The following LHX5 variants were observed in gnomAD, a reference collection of about 807,000 sequenced individuals.
LHX5 encodes the protein LIM/homeobox protein Lhx5.
Under a neutral mutation model 30.6 loss-of-function variants are expected in LHX5, and 5 were observed. The observed-to-expected ratio is 0.16, with a 90% CI of 0.09 to 0.34. The LOEUF is 0.34. Among genes scored for constraint, LHX5 ranks in the 10% least tolerant of loss-of-function variants. The probability of loss-of-function intolerance (pLI) is 1.00; values close to 1 mark genes in which losing one functional copy is unlikely to be tolerated. For synonymous variants in LHX5, 266 were observed against 252.6 expected (o/e 1.05, Z -0.50); for missense variants, 458 against 570.6 (o/e 0.80, Z 2.01).
chr12:113,462,896 C>G lies in LHX5; in HGVS notation c.*294G>C, dbSNP rs1277909852. On this transcript the variant is annotated 3_prime_UTR_variant, in exon 5 of 5. Transcript: ENST00000261731. ...GCCCGGGGAAAGTCTAGAGCGTGCT[C>G]GAAATCTCTTGACCCTCCGGAGTAT... 1 of 296,896 alleles carries G rather than the reference C, an allele frequency of 3.4e-6. No individual in the cohort carries two copies. The highest frequency in any genetic ancestry group is 6.3e-6 in the Non-Finnish European group (1 of 159,574). 18.4% of individuals were successfully genotyped at this position (296,896 alleles called of 1,614,324 possible).
Position 113,467,536 on chromosome 12 carries a change from A to C in LHX5, c.676-115T>G. ...GTCCTTGCGCCTCTTCCGCACCAGG[A>C]CTCCCCCGAGGCGGGGCCGGGCCGG... is the stretch of plus-strand genomic sequence containing the variant. On this transcript the variant is annotated intron_variant, in intron 3 of 4. Transcript: ENST00000261731. The surrounding 1 kb of genome is among the most constrained non-coding windows in gnomAD (Gnocchi z 6.3). 9.9e-7 allele frequency: 1 copy of C among 1,012,032 alleles called. No individual in the cohort carries two copies. The allele number at this position is 1,012,032 out of a possible 1,614,324, so 62.7% of individuals were successfully genotyped here. A position where few individuals can be genotyped will look rare whatever the true frequency, so the allele number is the denominator to read the frequency against.
rs1958221009 is a variant in LHX5 at position 113,467,314 on chromosome 12, C to G, written c.783G>C (p.Leu261=). 6.4e-7 allele frequency: 1 copy of G among 1,569,082 alleles called. No individual in the cohort carries two copies. The highest frequency in any genetic ancestry group is 8.7e-7 in the Non-Finnish European group (1 of 1,153,866). ...TCTCAGACTCGTCCAAGCGGCCGCC[C>G]AGCGGACGCATGCGCCGCGGACTCC... ...FFRSPRRMRP[L]GGRLDESEML... Residue 261 remains leucine (L), a synonymous_variant, in exon 4 of 5, where the codon CTG becomes CTC. Transcript: ENST00000261731. The surrounding 1 kb of genome is among the most constrained non-coding windows in gnomAD (Gnocchi z 6.3).
chr12:113,471,677 C>G lies in LHX5; in HGVS notation c.-179G>C. The stretch of plus-strand genomic sequence containing the variant: ...CAATCTCTGGCCTGGCGCTGGGCTG[C>G]CCGGAGTGGGGTGGTGGGGGGCGGG... On this transcript the variant is annotated 5_prime_UTR_variant, in exon 1 of 5. Coordinates refer to ENST00000261731, the MANE Select transcript of LHX5 (RefSeq NM_022363.3). 1.7e-6 allele frequency: 1 copy of G among 605,916 alleles called. No individual in the cohort carries two copies. The highest frequency in any genetic ancestry group is 3.1e-5 in the East Asian group (1 of 32,128). The allele number at this position is 605,916 out of a possible 1,614,324, so 37.5% of individuals were successfully genotyped here.
chr12:113,464,393 C>T lies in LHX5; in HGVS notation c.842-836G>A, dbSNP rs147867190. Reference sequence around the variant, plus strand: ...GCCGGGGGAAACTGGATCCGGGCCGCGGCAGGAGCGACTGGTGGGTTGGGC... The same window carrying T: ...GCCGGGGGAAACTGGATCCGGGCCGTGGCAGGAGCGACTGGTGGGTTGGGC... On this transcript the variant is annotated intron_variant, in intron 4 of 4. Coordinates refer to ENST00000261731, the MANE Select transcript of LHX5 (RefSeq NM_022363.3). The surrounding 1 kb of genome is among the most constrained non-coding windows in gnomAD (Gnocchi z 6.2). 2.9e-4 allele frequency among the ~76,000 whole-genome samples: 42 copies of T among 146,400 alleles called. No individual in the cohort carries two copies. The East Asian group carries it at 8.6e-3, about 30-fold the overall frequency.
Position 113,471,748 on chromosome 12 carries a change from T to A in LHX5, c.-250A>T, listed in dbSNP as rs927244110. On this transcript the variant is annotated 5_prime_UTR_variant, in exon 1 of 5. Coordinates refer to ENST00000261731, the MANE Select transcript of LHX5 (RefSeq NM_022363.3). The stretch of plus-strand genomic sequence containing the variant: ...CACGGGCCGCACGCCCCGGCGCCTG[T>A]TCCGGGCTTCCCCAGGTATCTCGGG... The A allele has an allele frequency of 4.4e-6, 2 of 455,532 alleles. No individual in the cohort carries two copies. Among genetic ancestry groups the A allele is most frequent in the Non-Finnish European group, 7.7e-6 (2 of 259,416 alleles). The allele number at this position is 455,532 out of a possible 1,614,324, so 28.2% of individuals were successfully genotyped here. A position where few individuals can be genotyped will look rare whatever the true frequency, so the allele number is the denominator to read the frequency against.
Position 113,462,494 on chromosome 12 carries a change from G to T in LHX5, c.*696C>A, listed in dbSNP as rs960245072. On this transcript the variant is annotated 3_prime_UTR_variant, in exon 5 of 5. Transcript: ENST00000261731. ...AGCTGGACCCGGCTGGCCACTTCCT[G>T]ACCCACAGCCCTATTCCTAGAGAAG... 2 of 152,080 alleles carry T rather than the reference G, an allele frequency of 1.3e-5. No individual in the cohort carries two copies. Among genetic ancestry groups the T allele is most frequent in the Non-Finnish European group, 2.9e-5 (2 of 68,092 alleles). 9.4% of individuals were successfully genotyped at this position (152,080 alleles called of 1,614,324 possible).
chr12:113,463,478 C>G lies in LHX5; in HGVS notation c.921G>C (p.Pro307=). ...AGGCCGCCAGGAAGCTGGAGTCGGC[C>G]GGGGACTGCGCCTGCGAAGGCGGGC... ...AHGPPSQAQS[P]ADSSFLAASG... The change falls in exon 5 of 5, where the codon CCG becomes CCC. Residue 307 remains proline, a synonymous_variant. Coordinates refer to ENST00000261731, the MANE Select transcript of LHX5 (RefSeq NM_022363.3). This position sits in a 1 kb window ranked among gnomAD's most constrained non-coding sequence, Gnocchi z 6.7. The G allele has an allele frequency of 6.4e-7, 1 of 1,566,440 alleles. No homozygotes were observed. The highest frequency in any genetic ancestry group is 8.6e-7 in the Non-Finnish European group (1 of 1,162,718).
At position 113,464,069 on chromosome 12, in the gene LHX5, A is replaced by T. The variant is rs1958196442; in HGVS notation, c.842-512T>A. ...CAGAGACGCGGAGTCCGCGGCTGAG[A>T]CCCGAAAGCCCGAGACATCGGAGGG... On this transcript the variant is annotated intron_variant, in intron 4 of 4. Coordinates refer to ENST00000261731, the MANE Select transcript of LHX5 (RefSeq NM_022363.3). This position sits in a 1 kb window ranked among gnomAD's most constrained non-coding sequence, Gnocchi z 6.2. Among the ~76,000 whole-genome samples, 1 of 152,110 alleles carries T rather than the reference A, an allele frequency of 6.6e-6. No homozygotes were observed. The highest frequency in any genetic ancestry group is 2.1e-4 in the South Asian group (1 of 4,828).
chr12:113,470,519 C>T (rs1046670266), intron 1 of LHX5, among the ~76,000 whole-genome samples: 1 of 152,218 alleles, frequency 6.6e-6, no homozygotes, highest in African/African-American at 2.4e-5. Flanking sequence ...GGCTGCCTTT[C>T]TCTGTGGCGT....
rs1473646211 is a variant in LHX5, at chr12:113,468,274, C to T, written c.528G>A (p.Ser176=). Residue 176 remains serine (S), a synonymous_variant, in exon 3 of 5, where the codon TCG becomes TCA. Transcript: ENST00000261731. ...TANNENEEQN[S]GTKRRGPRTT... ...TGCGGGGGCCGCGCCGCTTGGTGCC[C>T]GAGTTCTGCTCCTCGTTCTCGTTGT... is the stretch of plus-strand genomic sequence containing the variant. The T allele has an allele frequency of 1.2e-6, 2 of 1,614,122 alleles. No individual in the cohort carries two copies. The highest frequency in any genetic ancestry group is 8.5e-7 in the Non-Finnish European group (1 of 1,179,962).
intron 1 of LHX5, among the ~76,000 whole-genome samples, chr12:113,469,672 C>T (rs886991288): frequency 1.3e-5 from 2 of 152,202 alleles, no homozygotes; most frequent in African/African-American, 4.8e-5. Context: ...CCCTGCCAGG[C>T]CTGCCTGGGC....
rs775051601 is a variant in LHX5 at position 113,469,209 on chromosome 12, C to G, written c.310G>C (p.Glu104Gln). The G allele has an allele frequency of 1.6e-5, 26 of 1,614,150 alleles. No individual in the cohort carries two copies. The highest frequency in any genetic ancestry group is 3.3e-5 in the Admixed American group (2 of 60,010). ...VCNKQLSTGE[E>Q]LYVIDENKFV... is the part of the protein sequence containing the mutation. The stretch of plus-strand genomic sequence containing the variant: ...TTGTTCTCGTCGATGACGTAGAGCT[C>G]CTCGCCGGTGGACAGCTGCTTGTTA... The change falls in exon 2 of 5, where the codon GAG (glutamate) becomes CAG (glutamine). Residue 104 changes from glutamate (E) to glutamine (Q), a missense_variant. Coordinates refer to ENST00000261731, the MANE Select transcript of LHX5 (RefSeq NM_022363.3).
rs1254654879 is a variant in LHX5, at chr12:113,465,601, G to A, written c.841+1655C>T. On this transcript the variant is annotated intron_variant, in intron 4 of 4. Transcript: ENST00000261731. This position sits in a 1 kb window ranked among gnomAD's most constrained non-coding sequence, Gnocchi z 6.7. ...CATTACGGGGAACGAGGGGCCCCCA[G>A]TATCCAGCTCCCCACCTCATCCAGC... 1.3e-5 allele frequency among the ~76,000 whole-genome samples: 2 copies of A among 152,242 alleles called. No individual in the cohort carries two copies. Among genetic ancestry groups the A allele is most frequent in the Non-Finnish European group, 2.9e-5 (2 of 68,022 alleles).
chr12:113,468,005 G>T, intron 3 of LHX5, 122 bp downstream of exon 3: 2 of 1,343,210 alleles, frequency 1.5e-6, no homozygotes, highest in Non-Finnish European at 2.0e-6. Flanking sequence ...TCGGGCGCAC[G>T]GTCTGCTCCC....
rs191814272 is a variant in LHX5 at position 113,465,550 on chromosome 12, G to T, written c.841+1706C>A. On this transcript the variant is annotated intron_variant, in intron 4 of 4. Coordinates refer to ENST00000261731, the MANE Select transcript of LHX5 (RefSeq NM_022363.3). This position sits in a 1 kb window ranked among gnomAD's most constrained non-coding sequence, Gnocchi z 6.7. Reference sequence around the variant, plus strand: ...AGCGCGGATTAGGCGGGGCTGCCTCGCTGGGGGCTGGGGAGTCTTCCCCAC... The same window carrying T: ...AGCGCGGATTAGGCGGGGCTGCCTCTCTGGGGGCTGGGGAGTCTTCCCCAC... Among the ~76,000 whole-genome samples the T allele has an allele frequency of 4.6e-3, 695 of 152,356 alleles. 6 individuals carry two copies. Among genetic ancestry groups the T allele is most frequent in the Non-Finnish European group, 7.3e-3 (496 of 68,024 alleles).
At chr12:113,469,482 G>A (rs572494535) in intron 1 of LHX5, 137 bp from the exon 2 acceptor site, 11 of 747,386 alleles carry the variant, frequency 1.5e-5, no homozygotes, top group African/African-American at 7.0e-5. Context: ...AATCCTGAGC[G>A]CTCTGGCCAG....
chr12:113,463,186 G>A lies in LHX5; in HGVS notation c.*4C>T. On this transcript the variant is annotated 3_prime_UTR_variant, in exon 5 of 5. Transcript: ENST00000261731. This position sits in a 1 kb window ranked among gnomAD's most constrained non-coding sequence, Gnocchi z 6.7. ...GGCCGAGCGCGGGGGGCGGCCCGGC[G>A]GCCTTACCACACGGCGGCTTCGTTG... 6.6e-7 allele frequency: 1 copy of A among 1,505,190 alleles called. No individual in the cohort carries two copies. The highest frequency in any genetic ancestry group is 8.8e-7 in the Non-Finnish European group (1 of 1,134,896). The allele number at this position is 1,505,190 out of a possible 1,614,324, so 93.2% of individuals were successfully genotyped here.
Position 113,467,370 on chromosome 12 carries a change from C to T in LHX5, c.727G>A (p.Ala243Thr). The T allele has an allele frequency of 1.8e-5, 28 of 1,586,654 alleles. No individual in the cohort carries two copies. The highest frequency in any genetic ancestry group is 2.4e-5 in the Non-Finnish European group (28 of 1,163,338). ...AAGGCGTGCCTCCGGGCGCCTAGGG[C>T]GCTCAGCTGTTTCATCCGGCGTTCT... ...SKERRMKQLS[A>T]LGARRHAFFR... The change falls in exon 4 of 5, where the codon GCC (alanine) becomes ACC (threonine). Residue 243 changes from alanine to threonine, a missense_variant. This residue lies in a region of LHX5 where 255 missense variants were observed against 246.8 expected (regional missense o/e 1.03). Transcript: ENST00000261731. The surrounding 1 kb of genome is among the most constrained non-coding windows in gnomAD (Gnocchi z 6.3).
In LHX5 at chr12:113,467,665, C is replaced by G. The variant is rs1219051864; in HGVS notation, c.676-244G>C. Among the ~76,000 whole-genome samples, 1 of 152,218 alleles carries G rather than the reference C, an allele frequency of 6.6e-6. No homozygotes were observed. The highest frequency in any genetic ancestry group is 1.9e-4 in the East Asian group (1 of 5,174). On this transcript the variant is annotated intron_variant, in intron 3 of 4. Transcript: ENST00000261731. The surrounding 1 kb of genome is among the most constrained non-coding windows in gnomAD (Gnocchi z 6.3). ...ATAAAGACTTGGGCTTCCTGGTCCC[C>G]GGCTCGCCCGCGGCCTGACGGCTCT...
Sources: allele counts gnomAD v4.1 joint callset (sites outside exome capture counted in the v4.1 genomes callset), GRCh38; gene constraint gnomAD v4.1.1; regional missense constraint gnomAD v4.1.1; non-coding constraint Gnocchi (gnomAD v3.1); transcripts MANE v1.5; gene names NCBI Gene and HGNC (gene_info 2026-07-23, HGNC 2026-07-21).